DLG2: variants seen among roughly 807,000 people sequenced by gnomAD.
The protein encoded by DLG2 is discs large MAGUK scaffold protein 2.
In DLG2, 45 loss-of-function variants were observed where a neutral mutation model predicts 132.5. The observed-to-expected ratio is 0.34, with a 90% confidence interval of 0.27 to 0.44. DLG2 has a LOEUF of 0.44. Among genes scored for constraint, DLG2 ranks in the 20% least tolerant of loss-of-function variants. DLG2 has a pLI of 1.00. For missense variants in DLG2, 1,045 were observed against 1,196.9 expected, an observed-to-expected ratio of 0.87 and a Z score of 1.87; for synonymous variants, 424 against 419.6, an observed-to-expected ratio of 1.01 and a Z score of -0.13.
At chr11:85,448,007 AG>A (rs2153039247) in intron 3 of DLG2, among the ~76,000 whole-genome samples, 1 of 152,308 alleles carries the variant, frequency 6.6e-6, no homozygotes, top group South Asian at 2.1e-4. Flanking sequence ...CCTTACAGAC[AG>A]TTAAATCTCA....
At chr11:84,969,352 C>T (rs560265115) in intron 6 of DLG2, among the ~76,000 whole-genome samples, 15 of 152,266 alleles carry the variant, frequency 9.9e-5, no homozygotes, top group East Asian at 1.9e-4. Context: ...CTGCTACTTA[C>T]GTCTGCTTCC....
chr11:84,791,844 G>GT (rs763122307), intron 6 of DLG2, among the ~76,000 whole-genome samples: 12 of 152,040 alleles, frequency 7.9e-5, no homozygotes, highest in Non-Finnish European at 1.6e-4. Context: ...GAGTCATTTG[G>GT]TTTTTCCCCA....
intron 8 of DLG2, among the ~76,000 whole-genome samples, chr11:84,248,053 GA>G (rs1226630621): frequency 6.6e-6 from 1 of 152,114 alleles, no homozygotes; most frequent in Non-Finnish European, 1.5e-5. Flanking sequence ...ACATGAGGAA[GA>G]AAAGAGGAAA....
intron 7 of DLG2, among the ~76,000 whole-genome samples, chr11:84,432,122 C>T (rs772628705): frequency 2.0e-5 from 3 of 152,096 alleles, no homozygotes; most frequent in Non-Finnish European, 4.4e-5. Context: ...ATGATAGATC[C>T]ATCCTGGGCT....
At chr11:84,678,305 T>G (rs564077494) in intron 6 of DLG2, among the ~76,000 whole-genome samples, 3 of 152,254 alleles carry the variant, frequency 2.0e-5, no homozygotes, top group African/African-American at 7.2e-5. Context: ...CTGGATGTTT[T>G]GCTTATCATC....
intron 6 of DLG2, among the ~76,000 whole-genome samples, chr11:84,635,729 T>C (rs561682806): frequency 1.3e-5 from 2 of 152,266 alleles, no homozygotes; most frequent in South Asian, 4.1e-4. Context: ...CTCTGTCATC[T>C]TCCTCATTTT....
At chr11:84,469,563 G>A (rs1456819235) in intron 7 of DLG2, among the ~76,000 whole-genome samples, 2 of 151,486 alleles carry the variant, frequency 1.3e-5, no homozygotes, top group Admixed American at 1.3e-4. Flanking sequence ...TTCTCATTCT[G>A]TATATTGTAG....
Position 85,584,362 on chromosome 11 carries a change from G to C in DLG2, c.40+14295C>G, listed in dbSNP as rs1014552310. On this transcript the variant is annotated intron_variant, in intron 3 of 27. Transcript: ENST00000376104. ...ATGGTGTGTGTGTGTGTGTGTGTGT[G>C]TGTGTGTGTGTGTGTGTGTATCACA... Among the ~76,000 whole-genome samples the C allele has an allele frequency of 3.3e-5, 5 of 150,220 alleles. No homozygotes were observed. In the East Asian group the frequency reaches 9.6e-4, roughly 29 times the overall value.
At chr11:84,379,404 T>A (rs980788151) in intron 7 of DLG2, among the ~76,000 whole-genome samples, 3 of 151,882 alleles carry the variant, frequency 2.0e-5, no homozygotes, top group Admixed American at 2.0e-4. Context: ...AAAATAGCCT[T>A]TAAGGAATTA....
At chr11:83,858,675 G>GAT (rs2060943498) in intron 16 of DLG2, among the ~76,000 whole-genome samples, 1 of 152,138 alleles carries the variant, frequency 6.6e-6, no homozygotes, top group South Asian at 2.1e-4. Context: ...TCTCCATAGT[G>GAT]ATGTGTGTTT....
At chr11:84,166,364 G>C (rs978821889) in intron 8 of DLG2, among the ~76,000 whole-genome samples, 1 of 151,770 alleles carries the variant, frequency 6.6e-6, no homozygotes, top group East Asian at 2.0e-4. Context: ...TATCTGGGCA[G>C]GGTGGCGTGC....
At chr11:83,469,127 A>C (rs1244497218) in intron 25 of DLG2, 74 bp downstream of exon 25, 4 of 275,728 alleles carry the variant, frequency 1.5e-5, no homozygotes, top group Non-Finnish European at 1.0e-5. Flanking sequence ...AGTAATGACC[A>C]AAAAAAAAAA....
At chr11:83,874,670 A>C (rs1267054682) in intron 15 of DLG2, among the ~76,000 whole-genome samples, 182 bp from the exon 16 acceptor site, 1 of 152,120 alleles carries the variant, frequency 6.6e-6, no homozygotes, top group Non-Finnish European at 1.5e-5. Flanking sequence ...TATATCTCCT[A>C]ATGCTAACCC....
intron 6 of DLG2, among the ~76,000 whole-genome samples, chr11:84,785,967 T>TC (rs1294716702): frequency 2.0e-5 from 3 of 152,048 alleles, no homozygotes; most frequent in Non-Finnish European, 2.9e-5. Context: ...TCATTTTTTT[T>TC]CCCAAGAAGA....
intron 6 of DLG2, among the ~76,000 whole-genome samples, chr11:84,893,197 C>T (rs1261315053): frequency 1.3e-5 from 2 of 152,156 alleles, no homozygotes; most frequent in Non-Finnish European, 2.9e-5. Flanking sequence ...AAGAACTCCT[C>T]CTCATCAGGT....
intron 14 of DLG2, among the ~76,000 whole-genome samples, chr11:83,936,577 A>G (rs1391593987): frequency 6.6e-6 from 1 of 152,240 alleles, no homozygotes; most frequent in Non-Finnish European, 1.5e-5. Flanking sequence ...CTATGTAAAC[A>G]TCACTCTCAG....
At chr11:83,771,596 G>A (rs1165693095) in intron 18 of DLG2, among the ~76,000 whole-genome samples, 1 of 152,100 alleles carries the variant, frequency 6.6e-6, no homozygotes, top group Admixed American at 6.5e-5. Flanking sequence ...CTAGGCAACT[G>A]TAACACAACG....
chr11:83,934,610 C>T (rs1417921110), intron 14 of DLG2, among the ~76,000 whole-genome samples: 2 of 152,090 alleles, frequency 1.3e-5, no homozygotes, highest in Non-Finnish European at 1.5e-5. Flanking sequence ...GAATATGACT[C>T]TCTTCTCTCA....
At chr11:84,831,249 T>C (rs1319988022) in intron 6 of DLG2, among the ~76,000 whole-genome samples, 1 of 151,468 alleles carries the variant, frequency 6.6e-6, no homozygotes, top group Non-Finnish European at 1.5e-5. Flanking sequence ...AAGTGAGAGA[T>C]TAGACACGTT....
Sources: allele counts gnomAD v4.1 joint callset (sites outside exome capture counted in the v4.1 genomes callset), GRCh38; gene constraint gnomAD v4.1.1; transcripts MANE v1.5; gene names NCBI Gene and HGNC (gene_info 2026-07-23, HGNC 2026-07-21).